Variants in SLC16A11 observed in about 807,000 individuals in gnomAD.
SLC16A11 encodes solute carrier family 16 member 11.
A neutral mutation model predicts 26.0 loss-of-function variants in SLC16A11; 24 were observed. That is an observed-to-expected ratio of 0.92 (90% CI 0.67 to 1.30). The LOEUF (loss-of-function observed/expected upper bound fraction) is 1.30, where lower values mean the gene tolerates loss of function less well. Among genes scored for constraint, SLC16A11 ranks in the 50% most tolerant of loss-of-function variants. The pLI, the probability that SLC16A11 is intolerant of heterozygous loss-of-function variation, is 0.00. For synonymous variants in SLC16A11, 332 were observed against 296.0 expected (o/e 1.12, Z -1.25); for missense variants, 638 against 597.7 (o/e 1.07, Z -0.70).
intron 4 of SLC16A11, 32 bp downstream of exon 4, chr17:7,041,964 T>C: frequency 6.3e-7 from 1 of 1,599,412 alleles, no homozygotes; most frequent in Non-Finnish European, 8.5e-7. Flanking sequence ...CAGAGGATAG[T>C]TGTAGGCAGA....
Position 7,042,201 on chromosome 17 carries a change from C to T in SLC16A11, c.909G>A (p.Gly303=), listed in dbSNP as rs1368391908. ...CTTCGCCGCCCACCACGGGCACCAG[C>T]CCCACCACCCACAGCCCCAGCCCAG... is the stretch of plus-strand genomic sequence containing the variant. ...ALTGLGLWVV[G]LVPVVGGEES... The change falls in exon 4 of 5, where the codon GGG becomes GGA. Residue 303 remains glycine, a synonymous_variant. Transcript: ENST00000574600. This position sits in a 1 kb window ranked among gnomAD's most constrained non-coding sequence, Gnocchi z 5.9. 2 of 1,570,836 alleles carry T rather than the reference C, an allele frequency of 1.3e-6. No homozygotes were observed.
rs1470974287 is a variant in SLC16A11, at chr17:7,043,368, C to T, written c.146G>A (p.Ser49Asn). The stretch of plus-strand genomic sequence containing the variant: ...GCTGATCCACGCAGTGTCCTGGGCG[C>T]TTCGGTCAAAGTGCTCGGCAAGGTC... Reference protein sequence around the residue: ...FPDLAEHFDRSAQDTAWISAL... With the variant: ...FPDLAEHFDRNAQDTAWISAL... The change falls in exon 2 of 5, where the codon AGC becomes AAC. Residue 49 changes from serine to asparagine, a missense_variant. Coordinates refer to ENST00000574600, the MANE Select transcript of SLC16A11 (RefSeq NM_001370549.1). The T allele has an allele frequency of 1.2e-6, 2 of 1,610,466 alleles. No homozygotes were observed. The highest frequency in any genetic ancestry group is 2.2e-5 in the East Asian group (1 of 44,864).
Position 7,043,315 on chromosome 17 carries a change from C to G in SLC16A11, c.199G>C (p.Ala67Pro). The change falls in exon 2 of 5, where the codon GCC becomes CCC. Residue 67 changes from alanine to proline, a missense_variant. Transcript: ENST00000574600. Reference protein sequence around the residue: ...SALALAVQQAASPVGSALSTR... With the variant: ...SALALAVQQAPSPVGSALSTR... ...CCCGCCTCAGGGCCCCCCTCACTGG[C>G]TGCCTGCTGCACGGCCAGGGCCAGG... 6.2e-7 allele frequency: 1 copy of G among 1,603,874 alleles called. No individual in the cohort carries two copies. The highest frequency in any genetic ancestry group is 8.5e-7 in the Non-Finnish European group (1 of 1,176,272).
Position 7,042,098 on chromosome 17 carries a change from C to G in SLC16A11, c.1012G>C (p.Gly338Arg). 1.9e-6 allele frequency: 3 copies of G among 1,606,504 alleles called. No homozygotes were observed. In the South Asian group the frequency reaches 3.3e-5, roughly 18 times the overall value. ...ACGCCCACCAGCCCGGGGAGTACAC[C>G]GAAAACCAGCGGGGCGTAACTCCCC... ...SAGSYAPLVF[G>R]VLPGLVGVGG... Residue 338 changes from glycine (G) to arginine (R), a missense_variant, in exon 4 of 5, where the codon GGT becomes CGT. Gly to Arg is a moderately radical substitution (Grantham distance 125). Transcript: ENST00000574600. This position sits in a 1 kb window ranked among gnomAD's most constrained non-coding sequence, Gnocchi z 5.9.
rs773119109 is a variant in SLC16A11 at position 7,042,513 on chromosome 17, G to T, written c.597C>A (p.Pro199=). Residue 199 remains proline, a synonymous_variant, in exon 4 of 5, where the codon CCC becomes CCA. Transcript: ENST00000574600. The surrounding 1 kb of genome is among the most constrained non-coding windows in gnomAD (Gnocchi z 5.9). ...LLLPLVLPGD[P]PAPPRSPLAA... ...CTAGGGGACTACGCGGTGGGGCTGG[G>T]GGGTCTCCAGGAAGGACCAGGGGTA... The T allele has an allele frequency of 3.8e-6, 6 of 1,564,196 alleles. No individual in the cohort carries two copies. Among genetic ancestry groups the T allele is most frequent in the Non-Finnish European group, 5.2e-6 (6 of 1,154,494 alleles).
In SLC16A11 at chr17:7,042,404, C is replaced by T. The variant is rs1462384280; in HGVS notation, c.706G>A (p.Val236Ile). Reference sequence around the variant, plus strand: ...TGGGGAGCCAAGTGCACGTAAGGAACGAAGTACCCGCCCCCAACCAGGGCT... The same window carrying T: ...TGGGGAGCCAAGTGCACGTAAGGAATGAAGTACCCGCCCCCAACCAGGGCT... ...GTALVGGGYFVPYVHLAPHAL... is the reference protein window; with the variant it reads ...GTALVGGGYFIPYVHLAPHAL... Residue 236 changes from valine to isoleucine, a missense_variant, in exon 4 of 5, where the codon GTT becomes ATT. By Grantham distance (29) the Val-to-Ile change is conservative. Transcript: ENST00000574600. The surrounding 1 kb of genome is among the most constrained non-coding windows in gnomAD (Gnocchi z 5.9). The T allele has an allele frequency of 1.9e-6, 3 of 1,561,658 alleles. No homozygotes were observed. The highest frequency in any genetic ancestry group is 2.6e-6 in the Non-Finnish European group (3 of 1,152,194).
chr17:7,042,413 C>G lies in SLC16A11; in HGVS notation c.697G>C (p.Gly233Arg). 6.4e-7 allele frequency: 1 copy of G among 1,559,984 alleles called. No homozygotes were observed. Among genetic ancestry groups the G allele is most frequent in the South Asian group, 1.2e-5 (1 of 84,992 alleles). Residue 233 changes from glycine to arginine, a missense_variant, in exon 4 of 5, where the codon GGG becomes CGG. By Grantham distance (125) the Gly-to-Arg change is moderately radical. Coordinates refer to ENST00000574600, the MANE Select transcript of SLC16A11 (RefSeq NM_001370549.1). This position sits in a 1 kb window ranked among gnomAD's most constrained non-coding sequence, Gnocchi z 5.9. Reference protein sequence around the residue: ...FALGTALVGGGYFVPYVHLAP... With the variant: ...FALGTALVGGRYFVPYVHLAP... ...AAGTGCACGTAAGGAACGAAGTACC[C>G]GCCCCCAACCAGGGCTGTGCCTAGA... is the stretch of plus-strand genomic sequence containing the variant.
chr17:7,042,875 C>A lies in SLC16A11; in HGVS notation c.346+55G>T, dbSNP rs1597347608. 9 of 1,609,224 alleles carry A rather than the reference C, an allele frequency of 5.6e-6. No individual in the cohort carries two copies. The East Asian group carries it at 8.9e-5, about 16-fold the overall frequency. The stretch of plus-strand genomic sequence containing the variant: ...CCTCGTTCGCTACCCCAGATCCCAA[C>A]AAGCTCCTGTCACCTCCTTCACCCT... On this transcript the variant is annotated intron_variant, in intron 3 of 4. Transcript: ENST00000574600. The surrounding 1 kb of genome is among the most constrained non-coding windows in gnomAD (Gnocchi z 5.9).
chr17:7,043,714 G>C (rs757461060), intron 1 of SLC16A11, 61 bp downstream of exon 1: 23 of 1,152,530 alleles, frequency 2.0e-5, no homozygotes, highest in Non-Finnish European at 2.7e-5. Context: ...GTACGGGGAC[G>C]GGGACAGCCA....
Position 7,042,480 on chromosome 17 carries a change from G to T in SLC16A11, c.630C>A (p.Leu210=). 6.4e-7 allele frequency: 1 copy of T among 1,558,924 alleles called. No individual in the cohort carries two copies. Among genetic ancestry groups the T allele is most frequent in the Non-Finnish European group, 8.7e-7 (1 of 1,151,252 alleles). ...PAPPRSPLAA[L]GLSLFTRRAF... is the part of the protein sequence containing the mutation. The stretch of plus-strand genomic sequence containing the variant: ...CCCGGCGTGTGAACAGACTCAGGCC[G>T]AGGGCAGCTAGGGGACTACGCGGTG... The change falls in exon 4 of 5, where the codon CTC becomes CTA. Residue 210 remains leucine (L), a synonymous_variant. Coordinates refer to ENST00000574600, the MANE Select transcript of SLC16A11 (RefSeq NM_001370549.1). The surrounding 1 kb of genome is among the most constrained non-coding windows in gnomAD (Gnocchi z 5.9).
rs769458762 is a variant in SLC16A11, at chr17:7,041,994, A to G, written c.1114+2T>C. The G allele has an allele frequency of 3.8e-6, 6 of 1,582,466 alleles. No homozygotes were observed. Reference sequence around the variant, plus strand: ...GGCAGATCTGTGAGCTCAGGTCCTTACCTGACAGGGGAGGGCCCAGGAGCC... The same window carrying G: ...GGCAGATCTGTGAGCTCAGGTCCTTGCCTGACAGGGGAGGGCCCAGGAGCC... On this transcript the variant is annotated splice_donor_variant, in intron 4 of 4. Coordinates refer to ENST00000574600, the MANE Select transcript of SLC16A11 (RefSeq NM_001370549.1). LOFTEE classifies it high-confidence loss of function.
At position 7,041,916 on chromosome 17, in the gene SLC16A11, G is replaced by C. The variant is rs770358166; in HGVS notation, c.1115-8C>G. The C allele has an allele frequency of 6.2e-6, 10 of 1,613,524 alleles. No individual in the cohort carries two copies. The highest frequency in any genetic ancestry group is 8.5e-6 in the Non-Finnish European group (10 of 1,179,616). On this transcript the variant is annotated splice_polypyrimidine_tract_variant and splice_region_variant and intron_variant, in intron 4 of 4. Coordinates refer to ENST00000574600, the MANE Select transcript of SLC16A11 (RefSeq NM_001370549.1). The stretch of plus-strand genomic sequence containing the variant: ...TCTCATCCCTTAGGAAGCCTGAGGA[G>C]ATGGGTAAGGGCATTTAGAAGCCTC...
Position 7,043,363 on chromosome 17 carries a change from G to T in SLC16A11, c.151C>A (p.Gln51Lys). The part of the protein sequence containing the change: ...DLAEHFDRSA[Q>K]DTAWISALAL... The stretch of plus-strand genomic sequence containing the variant: ...AGGGCGCTGATCCACGCAGTGTCCT[G>T]GGCGCTTCGGTCAAAGTGCTCGGCA... Residue 51 changes from glutamine (Q) to lysine (K), a missense_variant, in exon 2 of 5, where the codon CAG becomes AAG. By Grantham distance (53) the Gln-to-Lys change is moderately conservative. Transcript: ENST00000574600. 1.2e-6 allele frequency: 2 copies of T among 1,610,564 alleles called. No individual in the cohort carries two copies. The highest frequency in any genetic ancestry group is 1.7e-6 in the Non-Finnish European group (2 of 1,179,860).
chr17:7,043,574 G>A, intron 1 of SLC16A11, 55 bp from the exon 2 acceptor site: 1 of 1,549,134 alleles, frequency 6.5e-7, no homozygotes, highest in Non-Finnish European at 8.7e-7. Flanking sequence ...GCTTCCGCTG[G>A]GGAGCTGGCA....
In SLC16A11 at chr17:7,042,237, G is replaced by A; in HGVS notation, c.873C>T (p.Phe291=). Reference sequence around the variant, plus strand: ...ACAGCCCCAGCCCAGTCAGAGCCCCGAATACGGCCAGCAGCCGCGGGAGGG... The same window carrying A: ...ACAGCCCCAGCCCAGTCAGAGCCCCAAATACGGCCAGCAGCCGCGGGAGGG... ...WVPLPRLLAV[F]GALTGLGLWV... The change falls in exon 4 of 5, where the codon TTC becomes TTT. Residue 291 remains phenylalanine, a synonymous_variant. Coordinates refer to ENST00000574600, the MANE Select transcript of SLC16A11 (RefSeq NM_001370549.1). The surrounding 1 kb of genome is among the most constrained non-coding windows in gnomAD (Gnocchi z 5.9). 4.4e-6 allele frequency: 7 copies of A among 1,581,726 alleles called. No homozygotes were observed. The highest frequency in any genetic ancestry group is 6.0e-6 in the Non-Finnish European group (7 of 1,165,142).
chr17:7,042,687 C>G lies in SLC16A11; in HGVS notation c.423G>C (p.Ala141=). ...SRYFSRRRVL[A]VGLALTGNGA... ...CGTTGCCGGTGAGCGCCAGCCCCAC[C>G]GCCAAGACTCGACGGCGGGAGAAGT... Residue 141 remains alanine, a synonymous_variant, in exon 4 of 5, where the codon GCG becomes GCC. Transcript: ENST00000574600. The surrounding 1 kb of genome is among the most constrained non-coding windows in gnomAD (Gnocchi z 5.9). The G allele has an allele frequency of 6.4e-7, 1 of 1,552,252 alleles. No homozygotes were observed. Among genetic ancestry groups the G allele is most frequent in the Non-Finnish European group, 8.7e-7 (1 of 1,152,892 alleles).
In SLC16A11 at chr17:7,041,808, C is replaced by A. The variant is rs36000446; in HGVS notation, c.1215G>T (p.Ala405=). ...GGGAGGCTGGACCACAGGAGGGCAG[C>A]GCCCTGGGCAACCCTATGTAGATGA... The part of the protein sequence containing the change: ...GSFIYIGLPR[A]LPSCGPASPP... Residue 405 remains alanine (A), a synonymous_variant, in exon 5 of 5, where the codon GCG becomes GCT. Transcript: ENST00000574600. The A allele has an allele frequency of 6.2e-7, 1 of 1,613,642 alleles. No homozygotes were observed. Among genetic ancestry groups the A allele is most frequent in the East Asian group, 2.2e-5 (1 of 44,880 alleles).
At position 7,041,956 on chromosome 17, in the gene SLC16A11, G is replaced by A. The variant is rs757435707; in HGVS notation, c.1114+40C>T. 19 of 1,605,462 alleles carry A rather than the reference G, an allele frequency of 1.2e-5. No individual in the cohort carries two copies. The East Asian group carries it at 2.7e-4, about 23-fold the overall frequency. On this transcript the variant is annotated intron_variant, in intron 4 of 4. Transcript: ENST00000574600. ...TTAGAAGCCTCGAACCCCAGGGGCAGAGGATAGTTGTAGGCAGATCTGTGA... is the reference window on the plus strand; with the variant it reads ...TTAGAAGCCTCGAACCCCAGGGGCAAAGGATAGTTGTAGGCAGATCTGTGA...
chr17:7,043,311 C>G lies in SLC16A11; in HGVS notation c.202+1G>C, dbSNP rs1401408420. 6.2e-7 allele frequency: 1 copy of G among 1,603,042 alleles called. No individual in the cohort carries two copies. The highest frequency in any genetic ancestry group is 8.5e-7 in the Non-Finnish European group (1 of 1,175,766). Reference sequence around the variant, plus strand: ...GTCTCCCGCCTCAGGGCCCCCCTCACTGGCTGCCTGCTGCACGGCCAGGGC... The same window carrying G: ...GTCTCCCGCCTCAGGGCCCCCCTCAGTGGCTGCCTGCTGCACGGCCAGGGC... On this transcript the variant is annotated splice_donor_variant, in intron 2 of 4. Transcript: ENST00000574600. LOFTEE classifies it high-confidence loss of function.
Sources: allele counts gnomAD v4.1 joint callset, GRCh38; gene constraint gnomAD v4.1.1; non-coding constraint Gnocchi (gnomAD v3.1); transcripts MANE v1.5; gene names NCBI Gene and HGNC (gene_info 2026-07-23, HGNC 2026-07-21).